TRAPPC9: variants seen among roughly 807,000 people sequenced by gnomAD.
TRAPPC9 encodes the protein IKK2 binding protein.
TRAPPC9 carries 83 observed loss-of-function variants against 124.0 expected under a neutral mutation model. The ratio of observed to expected loss-of-function variants is 0.67; its 90% CI spans 0.56 to 0.80. The LOEUF (loss-of-function observed/expected upper bound fraction) is 0.80, where lower values mean the gene tolerates loss of function less well. Among genes scored for constraint, TRAPPC9 ranks in the 30% least tolerant of loss-of-function variants. TRAPPC9 has a pLI of 0.00. For synonymous variants in TRAPPC9, 638 were observed against 617.5 expected (o/e 1.03, Z -0.49); for missense variants, 1,302 against 1,508.3 (o/e 0.86, Z 2.27).
intron 17 of TRAPPC9, among the ~76,000 whole-genome samples, chr8:140,197,894 T>C (rs1198763305): frequency 6.6e-6 from 1 of 152,188 alleles, no homozygotes; most frequent in African/African-American, 2.4e-5. Context: ...TGTCCCCTGC[T>C]AACACAATAA....
intron 17 of TRAPPC9, among the ~76,000 whole-genome samples, chr8:140,196,739 C>T (rs2062679733): frequency 6.6e-6 from 1 of 151,552 alleles, no homozygotes; most frequent in Non-Finnish European, 1.5e-5. Context: ...ACAGCTTGCA[C>T]CTGTGACACT....
In TRAPPC9 at chr8:139,984,564, C is replaced by G. The variant is rs1002605908; in HGVS notation, c.2810+4162G>C. Among the ~76,000 whole-genome samples the G allele has an allele frequency of 6.6e-6, 1 of 152,162 alleles. No homozygotes were observed. The highest frequency in any genetic ancestry group is 1.5e-5 in the Non-Finnish European group (1 of 68,026). On this transcript the variant is annotated intron_variant, in intron 19 of 22. Coordinates refer to ENST00000438773, the MANE Select transcript of TRAPPC9 (RefSeq NM_001160372.4). This position sits in a 1 kb window ranked among gnomAD's most constrained non-coding sequence, Gnocchi z 4.3. ...GAACTGGATACTCAAGACACAAAGC[C>G]TGGAAGGACAGGGACCAGGTCTGAG...
intron 17 of TRAPPC9, among the ~76,000 whole-genome samples, chr8:140,137,334 C>T (rs1206013138): frequency 6.6e-6 from 1 of 151,486 alleles, no homozygotes; most frequent in Non-Finnish European, 1.5e-5. Flanking sequence ...CCACACCTGG[C>T]ACTCAAGGAG....
chr8:140,277,015 C>T (rs1418173982), intron 14 of TRAPPC9, among the ~76,000 whole-genome samples: 2 of 152,178 alleles, frequency 1.3e-5, no homozygotes, highest in Non-Finnish European at 2.9e-5. Context: ...CTCCAGCAGT[C>T]TTTCCAATGC....
At chr8:139,755,939 C>A (rs371774596) in intron 21 of TRAPPC9, among the ~76,000 whole-genome samples, 841 of 12,772 alleles carry the variant, frequency 0.066, 3 homozygotes, top group African/African-American at 0.11. Context: ...GGATGAGGAC[C>A]GCAGGTCGCA....
At chr8:139,749,174 C>T (rs1276197144) in intron 21 of TRAPPC9, among the ~76,000 whole-genome samples, 2 of 152,120 alleles carry the variant, frequency 1.3e-5, no homozygotes, top group Non-Finnish European at 2.9e-5. Flanking sequence ...CTCCCTGTGG[C>T]CTTTCCAAAG....
At chr8:140,456,531 A>G (rs2071672298) in intron 1 of TRAPPC9, among the ~76,000 whole-genome samples, 1 of 152,136 alleles carries the variant, frequency 6.6e-6, no homozygotes, top group Non-Finnish European at 1.5e-5. Flanking sequence ...TGAAACATTT[A>G]TTGTTTACAT....
chr8:140,292,656 A>G (rs1393271606), intron 11 of TRAPPC9, among the ~76,000 whole-genome samples: 1 of 152,064 alleles, frequency 6.6e-6, no homozygotes, highest in East Asian at 1.9e-4. Context: ...AAAACTGGCT[A>G]GCCATATGTA....
At position 139,784,519 on chromosome 8, in the gene TRAPPC9, A is replaced by G. The variant is rs1174898335; in HGVS notation, c.3056-52317T>C. ...AACCCAGGAGGCTGAGGTTGCAGTGAGCAGAGATCGCGCCATTGCACTCCA... is the reference window on the plus strand; with the variant it reads ...AACCCAGGAGGCTGAGGTTGCAGTGGGCAGAGATCGCGCCATTGCACTCCA... On this transcript the variant is annotated intron_variant, in intron 21 of 22. Transcript: ENST00000438773. 5.3e-5 allele frequency among the ~76,000 whole-genome samples: 8 copies of G among 151,260 alleles called. 1 individual carries two copies. In the East Asian group the frequency reaches 1.6e-3, roughly 29 times the overall value.
chr8:140,305,697 A>C (rs2066111216), intron 10 of TRAPPC9, among the ~76,000 whole-genome samples: 2 of 152,240 alleles, frequency 1.3e-5, no homozygotes, highest in South Asian at 4.1e-4. Context: ...ATGTACAAAC[A>C]AAAGTAAAAA....
chr8:140,334,649 C>A (rs1224171822), intron 9 of TRAPPC9, among the ~76,000 whole-genome samples: 2 of 145,940 alleles, frequency 1.4e-5, no homozygotes, highest in Non-Finnish European at 3.0e-5. Flanking sequence ...GACTCTGTCA[C>A]TAAATAAATA....
intron 18 of TRAPPC9, 37 bp downstream of exon 18, chr8:140,023,900 C>G (rs1044913460): frequency 5.0e-6 from 8 of 1,613,652 alleles, no homozygotes; most frequent in Non-Finnish European, 6.8e-6. Context: ...TGTTGAGACT[C>G]TAGAACAAGA....
intron 7 of TRAPPC9, among the ~76,000 whole-genome samples, chr8:140,373,447 G>A (rs2068340711): frequency 6.6e-6 from 1 of 152,168 alleles, no homozygotes; most frequent in Admixed American, 6.5e-5. Flanking sequence ...CAAGAAGCTG[G>A]TCCTCATGCC....
intron 16 of TRAPPC9, among the ~76,000 whole-genome samples, chr8:140,237,555 T>C (rs2063755829): frequency 6.6e-6 from 1 of 152,046 alleles, no homozygotes; most frequent in African/African-American, 2.4e-5. Context: ...GACCCCCAGG[T>C]GATTCCAGAG....
chr8:139,747,237 C>T (rs1818960129), intron 21 of TRAPPC9, among the ~76,000 whole-genome samples: 1 of 152,184 alleles, frequency 6.6e-6, no homozygotes, highest in South Asian at 2.1e-4. Flanking sequence ...TCCTTGTCCT[C>T]ATCACACAAT....
intron 19 of TRAPPC9, among the ~76,000 whole-genome samples, chr8:139,963,012 T>C (rs1835439014): frequency 6.6e-6 from 1 of 152,130 alleles, no homozygotes; most frequent in Non-Finnish European, 1.5e-5. Flanking sequence ...ATAATAAATG[T>C]GTGTTGTTTT....
intron 17 of TRAPPC9, among the ~76,000 whole-genome samples, chr8:140,169,526 G>A (rs1055452520): frequency 1.3e-5 from 2 of 152,124 alleles, no homozygotes; most frequent in East Asian, 1.9e-4. Context: ...GGTGGCCATC[G>A]ACAGATGATT....
At chr8:140,194,924 C>A (rs546907664) in intron 17 of TRAPPC9, among the ~76,000 whole-genome samples, 1 of 152,070 alleles carries the variant, frequency 6.6e-6, no homozygotes, top group Non-Finnish European at 1.5e-5. Flanking sequence ...ACAGCTCACA[C>A]CTGTGACACT....
intron 20 of TRAPPC9, among the ~76,000 whole-genome samples, chr8:139,901,562 C>T (rs994584451): frequency 6.6e-6 from 1 of 152,132 alleles, no homozygotes; most frequent in African/African-American, 2.4e-5. Flanking sequence ...GCAAATCTTG[C>T]CTGGGTGAGA....
Sources: gnomAD v4.1 joint callset for allele counts (sites outside exome capture counted in the v4.1 genomes callset) on GRCh38, gnomAD v4.1.1 for gene constraint, Gnocchi (gnomAD v3.1) non-coding constraint, MANE v1.5 for transcripts, NCBI Gene and HGNC (gene_info 2026-07-23, HGNC 2026-07-21) for gene names.